MDC1: variants seen among roughly 807,000 people sequenced by gnomAD.
MDC1 encodes the protein mediator of DNA damage checkpoint protein 1.
A neutral mutation model predicts 142.5 loss-of-function variants in MDC1; 81 were observed. The observed-to-expected ratio is 0.57, with a 90% confidence interval of 0.47 to 0.68. The LOEUF is 0.68. Among genes scored for constraint, MDC1 ranks in the 30% least tolerant of loss-of-function variants. MDC1 has a pLI of 0.00. For missense variants in MDC1, 2,119 were observed against 2,547.9 expected (o/e 0.83, Z 3.62); for synonymous variants, 797 against 968.4 (o/e 0.82, Z 3.29).
In MDC1 at chr6:30,708,188, T is replaced by C; in HGVS notation, c.2391A>G (p.Thr797=). The C allele has an allele frequency of 6.2e-7, 1 of 1,613,202 alleles. No individual in the cohort carries two copies. The highest frequency in any genetic ancestry group is 1.1e-5 in the South Asian group (1 of 91,088). The change falls in exon 8 of 15, where the codon ACA becomes ACG. Residue 797 remains threonine (T), a synonymous_variant. Transcript: ENST00000376406. The stretch of plus-strand genomic sequence containing the variant: ...CTCTGCCTTGAATCCCCATTGGCTC[T>C]GTGTGAACTGGGCTCTCTGGATGTT... ...GDQHPESPVH[T]EPMGIQGRGR...
Position 30,712,723 on chromosome 6 carries a change from C to A in MDC1, c.1219G>T (p.Glu407Ter), listed in dbSNP as rs141963390. 2 of 1,612,962 alleles carry A rather than the reference C, an allele frequency of 1.2e-6. No homozygotes were observed. The highest frequency in any genetic ancestry group is 1.7e-6 in the Non-Finnish European group (2 of 1,180,052). Residue 407 changes from glutamate to a stop codon, truncating the protein, a stop_gained, in exon 5 of 15, where the codon GAG becomes TAG. Transcript: ENST00000376406. LOFTEE classifies it high-confidence loss of function. This position sits in a 1 kb window ranked among gnomAD's most constrained non-coding sequence, Gnocchi z 4.7. Reference sequence around the variant, plus strand: ...GTCAGCGCTGCTGAGACTTCTTCCTCGTCATCTGTATCGCTGTTGATAACC... The same window carrying A: ...GTCAGCGCTGCTGAGACTTCTTCCTAGTCATCTGTATCGCTGTTGATAACC... ...SMVINSDTDD[E>*]EEVSAALTLA...
At chr6:30,714,703 A>T (rs1256683204) in intron 2 of MDC1, among the ~76,000 whole-genome samples, 1 of 152,068 alleles carries the variant, frequency 6.6e-6, no homozygotes, top group Non-Finnish European at 1.5e-5. Context: ...TTTCGTAGAG[A>T]CAGGGTTTTG....
In MDC1 at chr6:30,713,675, G is replaced by A; in HGVS notation, c.560C>T (p.Thr187Ile). Residue 187 changes from threonine to isoleucine, a missense_variant, in exon 4 of 15, where the codon ACA becomes ATA. Physicochemically the swap from Thr to Ile is moderately conservative, Grantham distance 89. Coordinates refer to ENST00000376406, the MANE Select transcript of MDC1 (RefSeq NM_014641.3). This position sits in a 1 kb window ranked among gnomAD's most constrained non-coding sequence, Gnocchi z 4.9. ...ERRMVKKSRT[T>I]SSSVIVPESD... ...CTCTGGAACTATCACAGAGGAAGATGTGGTCCTTGATTTTTTTACCATACG... is the reference window on the plus strand; with the variant it reads ...CTCTGGAACTATCACAGAGGAAGATATGGTCCTTGATTTTTTTACCATACG... 6.2e-7 allele frequency: 1 copy of A among 1,614,228 alleles called. No homozygotes were observed. Among genetic ancestry groups the A allele is most frequent in the Non-Finnish European group, 8.5e-7 (1 of 1,180,032 alleles).
rs2239886 is a variant in MDC1, at chr6:30,702,923, A to C, written c.5866-46T>G. On this transcript the variant is annotated intron_variant, in intron 12 of 14. Transcript: ENST00000376406. ...CATCAAAGCTCAGCCCAGCCCCTCA[A>C]TCAGCTCTGCTGCCTAGCATTTAGA... The C allele has an allele frequency of 0.04, 64,198 of 1,611,898 alleles. 2,416 individuals are homozygous for C. Among genetic ancestry groups the C allele is most frequent in the African/African-American group, 0.15 (11,052 of 74,982 alleles).
rs1775770977 is a variant in MDC1 at position 30,717,278 on chromosome 6, G to A, written c.-37C>T. The A allele has an allele frequency of 6.6e-6, 1 of 152,170 alleles. No individual in the cohort carries two copies. Among genetic ancestry groups the A allele is most frequent in the Non-Finnish European group, 1.5e-5 (1 of 68,026 alleles). 9.4% of individuals were successfully genotyped at this position (152,170 alleles called of 1,614,324 possible). Reference sequence around the variant, plus strand: ...AGTCCCCGCGCGCGCCACCAGTAACGGTCGCGACCCAGGTGGAGCGACTGC... The same window carrying A: ...AGTCCCCGCGCGCGCCACCAGTAACAGTCGCGACCCAGGTGGAGCGACTGC... On this transcript the variant is annotated 5_prime_UTR_variant, in exon 1 of 15. Transcript: ENST00000376406.
chr6:30,700,610 C>T lies in MDC1; in HGVS notation c.6125G>A (p.Cys2042Tyr), dbSNP rs779653282. The change falls in exon 15 of 15, where the codon TGC (cysteine) becomes TAC (tyrosine). Residue 2042 changes from cysteine to tyrosine, a missense_variant. By Grantham distance (194) the Cys-to-Tyr change is radical. Coordinates refer to ENST00000376406, the MANE Select transcript of MDC1 (RefSeq NM_014641.3). ...SYKPQRVVITCPQDFPHCSIP... is the reference protein window; with the variant it reads ...SYKPQRVVITYPQDFPHCSIP... ...GGAGCAATGAGGGAAGTCCTGAGGG[C>T]ATGTGATCACAACTCTCTGAGGCTG... 1.2e-6 allele frequency: 2 copies of T among 1,612,892 alleles called. No homozygotes were observed. The highest frequency in any genetic ancestry group is 1.1e-5 in the South Asian group (1 of 91,072).
In MDC1 at chr6:30,704,975, G is replaced by A. The variant is rs370528787; in HGVS notation, c.4208C>T (p.Thr1403Ile). 1.4e-5 allele frequency: 22 copies of A among 1,608,600 alleles called. No individual in the cohort carries two copies. In the African/African-American group the frequency reaches 2.2e-4, roughly 16 times the overall value. The change falls in exon 10 of 15, where the codon ACC becomes ATC. Residue 1403 changes from threonine (T) to isoleucine (I), a missense_variant. Physicochemically the swap from Thr to Ile is moderately conservative, Grantham distance 89. Transcript: ENST00000376406. ...GGCTGTGGGGACAAGTGTTTCAGGG[G>A]TCTTGCCAGAGGATCTATTTTTTCT... Reference protein sequence around the residue: ...RGRKNRSSGKTPETLVPTAPK... With the variant: ...RGRKNRSSGKIPETLVPTAPK...
Position 30,714,062 on chromosome 6 carries a change from T to G in MDC1, c.258A>C (p.Ala86=), listed in dbSNP as rs1225111024. 1.9e-6 allele frequency: 3 copies of G among 1,612,816 alleles called. No individual in the cohort carries two copies. The African/African-American group carries it at 4.0e-5, about 22-fold the overall frequency. The change falls in exon 3 of 15, where the codon GCA becomes GCC. Residue 86 remains alanine (A), a synonymous_variant. Coordinates refer to ENST00000376406, the MANE Select transcript of MDC1 (RefSeq NM_014641.3). ...AEIEILAWDK[A]PILRDCGSLN... ...GGCTCCCACAGTCTCGGAGGATAGG[T>G]GCCTTGTCCCAGGCTAAGATTTCAA...
At chr6:30,710,794 T>TG (rs1395723984) in intron 7 of MDC1, among the ~76,000 whole-genome samples, 2 of 151,970 alleles carry the variant, frequency 1.3e-5, no homozygotes, top group African/African-American at 2.4e-5. Context: ...TGTGTGTGTG[T>TG]TTTTTTTAAG....
In MDC1 at chr6:30,704,452, C is replaced by T; in HGVS notation, c.4731G>A (p.Glu1577=). The T allele has an allele frequency of 6.2e-7, 1 of 1,612,032 alleles. No individual in the cohort carries two copies. The highest frequency in any genetic ancestry group is 2.2e-5 in the East Asian group (1 of 44,682). The change falls in exon 10 of 15, where the codon GAG becomes GAA. Residue 1577 remains glutamate (E), a synonymous_variant. Transcript: ENST00000376406. ...GGTTTCTGGAGGTGGAAGGCTGAAGCTCAGGGGCTATAGGGACAATTGATT... is the reference window on the plus strand; with the variant it reads ...GGTTTCTGGAGGTGGAAGGCTGAAGTTCAGGGGCTATAGGGACAATTGATT... ...TPESIVPIAP[E]LQPSTSRNQL...
At chr6:30,714,988 C>G in intron 2 of MDC1, 52 bp downstream of exon 2, 1 of 1,597,516 alleles carries the variant, frequency 6.3e-7, no homozygotes, top group Non-Finnish European at 8.6e-7. Context: ...AAATACCTTA[C>G]CACAAAAATA....
Position 30,709,169 on chromosome 6 carries a change from G to T in MDC1, c.2222-812C>A, listed in dbSNP as rs1440898404. 6.6e-6 allele frequency among the ~76,000 whole-genome samples: 1 copy of T among 152,148 alleles called. No individual in the cohort carries two copies. The highest frequency in any genetic ancestry group is 2.4e-5 in the African/African-American group (1 of 41,440). On this transcript the variant is annotated intron_variant, in intron 7 of 14. Transcript: ENST00000376406. The surrounding 1 kb of genome is among the most constrained non-coding windows in gnomAD (Gnocchi z 4.2). ...CCCACCTCAGCCTCCCAAGTAGCTG[G>T]GACTACGGCATGTGCCAAAGTGCCC...
At position 30,706,103 on chromosome 6, in the gene MDC1, G is replaced by A; in HGVS notation, c.3085-5C>T. ...ATCTGGAGATTCCTGATCGCCCTAG[G>A]GAGAAACAGAAGCAAGTGAGGGGGA... On this transcript the variant is annotated splice_polypyrimidine_tract_variant and splice_region_variant and intron_variant, in intron 9 of 14. Coordinates refer to ENST00000376406, the MANE Select transcript of MDC1 (RefSeq NM_014641.3). 1 of 1,555,508 alleles carries A rather than the reference G, an allele frequency of 6.4e-7. No homozygotes were observed. The highest frequency in any genetic ancestry group is 8.6e-7 in the Non-Finnish European group (1 of 1,160,934).
chr6:30,702,476 C>G, intron 14 of MDC1, 77 bp downstream of exon 14: 1 of 1,184,652 alleles, frequency 8.4e-7, no homozygotes, highest in Non-Finnish European at 1.2e-6. Flanking sequence ...ATTTTTTTCC[C>G]TCCAATCTTT....
intron 7 of MDC1, among the ~76,000 whole-genome samples, chr6:30,708,669 C>T (rs903558809): frequency 2.0e-5 from 3 of 151,874 alleles, no homozygotes; most frequent in Non-Finnish European, 4.4e-5. Context: ...GCCTGGACAA[C>T]ATGGCAAAAC....
In MDC1 at chr6:30,713,299, TGAAGG is replaced by T. The variant is rs770872172; in HGVS notation, c.638_642del (p.Ala213GlufsTer5). 2,074 of 1,610,904 alleles carry T rather than the reference TGAAGG, an allele frequency of 1.3e-3. 13 individuals carry two copies. The highest frequency in any genetic ancestry group is 5.5e-3 in the Admixed American group (327 of 59,608). The stretch of plus-strand genomic sequence containing the variant: ...TCCACATCTGTGTCACTGTTCAAAT[TGAAGG>T]CAAAAGGCGGCCCAAGGCCGCCCAG... On this transcript the variant is annotated frameshift_variant, in exon 5 of 15. Coordinates refer to ENST00000376406, the MANE Select transcript of MDC1 (RefSeq NM_014641.3). LOFTEE classifies it high-confidence loss of function. The surrounding 1 kb of genome is among the most constrained non-coding windows in gnomAD (Gnocchi z 4.9).
intron 2 of MDC1, 115 bp downstream of exon 2, chr6:30,714,923 GAA>G: frequency 2.0e-5 from 19 of 970,942 alleles, no homozygotes; most frequent in East Asian, 3.3e-5. Context: ...TTCCATTCAT[GAA>G]AAAAAAAAAT....
At position 30,703,291 on chromosome 6, in the gene MDC1, G is replaced by T. The variant is rs760314955; in HGVS notation, c.5683-5C>A. On this transcript the variant is annotated splice_region_variant and splice_polypyrimidine_tract_variant and intron_variant, in intron 11 of 14. Transcript: ENST00000376406. The surrounding 1 kb of genome is among the most constrained non-coding windows in gnomAD (Gnocchi z 4.4). ...CACCACTCCTGTGAAGAGCACCTGTGGAAGGGTTGACCTGAGGTGGTTACG... is the reference window on the plus strand; with the variant it reads ...CACCACTCCTGTGAAGAGCACCTGTTGAAGGGTTGACCTGAGGTGGTTACG... The T allele has an allele frequency of 2.5e-6, 4 of 1,610,538 alleles. No homozygotes were observed. The highest frequency in any genetic ancestry group is 3.4e-6 in the Non-Finnish European group (4 of 1,178,092).
chr6:30,699,959 G>A lies in MDC1; in HGVS notation c.*506C>T. 4.4e-6 allele frequency: 1 copy of A among 226,336 alleles called. No individual in the cohort carries two copies. The highest frequency in any genetic ancestry group is 8.8e-6 in the Non-Finnish European group (1 of 113,764). The allele number at this position is 226,336 out of a possible 1,614,324, so 14.0% of individuals were successfully genotyped here. A position where few individuals can be genotyped will look rare whatever the true frequency, so the allele number is the denominator to read the frequency against. Reference sequence around the variant, plus strand: ...GGCCAGGAGAGAAGAAAATGTTTTAGTAGCACTCCATAACTGGACCCTCAA... The same window carrying A: ...GGCCAGGAGAGAAGAAAATGTTTTAATAGCACTCCATAACTGGACCCTCAA... On this transcript the variant is annotated 3_prime_UTR_variant, in exon 15 of 15. Coordinates refer to ENST00000376406, the MANE Select transcript of MDC1 (RefSeq NM_014641.3).
Sources: gnomAD v4.1 joint callset for allele counts (sites outside exome capture counted in the v4.1 genomes callset) on GRCh38, gnomAD v4.1.1 for gene constraint, Gnocchi (gnomAD v3.1) non-coding constraint, MANE v1.5 for transcripts, NCBI Gene and HGNC (gene_info 2026-07-23, HGNC 2026-07-21) for gene names.